Variants in ALCAM observed in about 807,000 individuals in gnomAD.
The protein encoded by ALCAM is CD166 antigen.
In ALCAM, 30 loss-of-function variants were observed where a neutral mutation model predicts 70.9. The observed-to-expected ratio is 0.42, with a 90% CI of 0.32 to 0.57. The LOEUF (loss-of-function observed/expected upper bound fraction) is 0.57, where lower values mean the gene tolerates loss of function less well. Ranked by LOEUF, ALCAM falls within the 20% of genes least tolerant of loss-of-function variation. The pLI is 0.11. For synonymous variants in ALCAM, 249 were observed against 242.5 expected, an observed-to-expected ratio of 1.03 and a Z score of -0.25; for missense variants, 591 against 695.1, an observed-to-expected ratio of 0.85 and a Z score of 1.68.
At chr3:105,487,369 C>G (rs1355473565) in intron 1 of ALCAM, among the ~76,000 whole-genome samples, 1 of 152,114 alleles carries the variant, frequency 6.6e-6, no homozygotes, top group Non-Finnish European at 1.5e-5. Context: ...CACAGAACTT[C>G]CATCTAATAG....
At chr3:105,460,229 T>C (rs1277487793) in intron 1 of ALCAM, among the ~76,000 whole-genome samples, 1 of 152,012 alleles carries the variant, frequency 6.6e-6, no homozygotes, top group African/African-American at 2.4e-5. Context: ...CAGATGTTAT[T>C]CCCTTCCCAT....
chr3:105,500,267 T>G (rs543163749), intron 1 of ALCAM, among the ~76,000 whole-genome samples: 8 of 152,306 alleles, frequency 5.3e-5, no homozygotes, highest in South Asian at 4.1e-4. Flanking sequence ...CCTGCCTGCC[T>G]TCTTCTTCCT....
chr3:105,448,728 T>A (rs959239501), intron 1 of ALCAM, among the ~76,000 whole-genome samples: 2 of 152,220 alleles, frequency 1.3e-5, no homozygotes, highest in African/African-American at 2.4e-5. Flanking sequence ...CTCTGAGATT[T>A]CGTGCCCTTC....
intron 1 of ALCAM, among the ~76,000 whole-genome samples, chr3:105,447,015 G>A (rs550269667): frequency 2.6e-4 from 39 of 151,782 alleles, no homozygotes; most frequent in Middle Eastern, 6.8e-3. Flanking sequence ...GAATGTTCTC[G>A]CCACAAAAAA....
chr3:105,519,615 GATA>G (rs1470011485), intron 1 of ALCAM, among the ~76,000 whole-genome samples: 5 of 152,076 alleles, frequency 3.3e-5, no homozygotes, highest in African/African-American at 4.8e-5. Context: ...AGAAAAATTT[GATA>G]ATATTTTCAA....
intron 1 of ALCAM, among the ~76,000 whole-genome samples, chr3:105,443,754 T>G (rs1937233172): frequency 6.6e-6 from 1 of 152,226 alleles, no homozygotes; most frequent in Admixed American, 6.5e-5. Flanking sequence ...CATGAATAAT[T>G]TTAAATCAGG....
At chr3:105,564,901 C>G (rs1432595056) in intron 14 of ALCAM, among the ~76,000 whole-genome samples, 2 of 152,172 alleles carry the variant, frequency 1.3e-5, no homozygotes, top group African/African-American at 4.8e-5. Flanking sequence ...CAAAAATTAG[C>G]CAGGCATAGT....
At chr3:105,432,257 C>A (rs1936953648) in intron 1 of ALCAM, among the ~76,000 whole-genome samples, 1 of 152,076 alleles carries the variant, frequency 6.6e-6, no homozygotes. Context: ...CATATCAAAT[C>A]CTATTTTTTT....
intron 1 of ALCAM, among the ~76,000 whole-genome samples, chr3:105,468,195 C>G (rs994411119): frequency 6.6e-6 from 1 of 151,360 alleles, no homozygotes; most frequent in Non-Finnish European, 1.5e-5. Flanking sequence ...TGTTACCAAA[C>G]TCTTGGCTTT....
intron 14 of ALCAM, among the ~76,000 whole-genome samples, chr3:105,557,630 C>G (rs1394347609): frequency 6.6e-6 from 1 of 152,164 alleles, no homozygotes; most frequent in African/African-American, 2.4e-5. Flanking sequence ...GTCCCATCAT[C>G]TACCCTAAAG....
chr3:105,501,984 A>G (rs1330012621), intron 1 of ALCAM, among the ~76,000 whole-genome samples: 3 of 152,260 alleles, frequency 2.0e-5, no homozygotes, highest in Non-Finnish European at 4.4e-5. Context: ...AGTTTGTTCA[A>G]TGTCAAGTTA....
At position 105,576,488 on chromosome 3, in the gene ALCAM, G is replaced by A. The variant is rs776756151; in HGVS notation, c.*2037G>A. 1.3e-5 allele frequency: 2 copies of A among 152,554 alleles called. No homozygotes were observed. Among genetic ancestry groups the A allele is most frequent in the African/African-American group, 2.4e-5 (1 of 41,448 alleles). The allele number at this position is 152,554 out of a possible 1,614,324, so 9.5% of individuals were successfully genotyped here. Reference sequence around the variant, plus strand: ...CAGAAAGAAGCAACATGACAATAGAGAGAGTTATGCTACAATTATTTCTTG... The same window carrying A: ...CAGAAAGAAGCAACATGACAATAGAAAGAGTTATGCTACAATTATTTCTTG... On this transcript the variant is annotated 3_prime_UTR_variant, in exon 16 of 16. Coordinates refer to ENST00000306107, the MANE Select transcript of ALCAM (RefSeq NM_001627.4).
At chr3:105,380,113 G>C (rs1229672036) in intron 1 of ALCAM, among the ~76,000 whole-genome samples, 2 of 151,844 alleles carry the variant, frequency 1.3e-5, no homozygotes, top group Middle Eastern at 3.4e-3. Context: ...ACTCTGCCTA[G>C]ATTTTTAACC....
intron 1 of ALCAM, among the ~76,000 whole-genome samples, chr3:105,468,431 A>T (rs563120526): frequency 6.6e-6 from 1 of 151,462 alleles, no homozygotes; most frequent in Admixed American, 6.6e-5. Flanking sequence ...TCTTTTAATC[A>T]TCAGACTGTA....
intron 1 of ALCAM, among the ~76,000 whole-genome samples, chr3:105,469,012 TTTG>T (rs1242616372): frequency 3.7e-5 from 1 of 27,014 alleles, no homozygotes; most frequent in East Asian, 0.013. Context: ...AACTGGTCAT[TTTG>T]GTCATTACCT....
At chr3:105,421,172 G>C (rs1936642779) in intron 1 of ALCAM, among the ~76,000 whole-genome samples, 1 of 151,384 alleles carries the variant, frequency 6.6e-6, no homozygotes, top group Admixed American at 6.6e-5. Flanking sequence ...TTTTTTTGTA[G>C]AGATGAACAA....
At chr3:105,562,605 T>C (rs1210276431) in intron 14 of ALCAM, among the ~76,000 whole-genome samples, 1 of 152,180 alleles carries the variant, frequency 6.6e-6, no homozygotes, top group Admixed American at 6.5e-5. Context: ...TGTTTTCTTA[T>C]AACATTCCCA....
chr3:105,477,953 A>T (rs145399588), intron 1 of ALCAM, among the ~76,000 whole-genome samples: 1,606 of 152,130 alleles, frequency 0.011, 30 homozygotes, highest in African/African-American at 0.037. Flanking sequence ...CTTCTGTATT[A>T]ATTCATTATA....
intron 1 of ALCAM, among the ~76,000 whole-genome samples, chr3:105,416,222 T>A (rs1936503604): frequency 2.6e-5 from 4 of 152,070 alleles, no homozygotes; most frequent in South Asian, 2.1e-4. Context: ...GTCATTAGGA[T>A]GTCTCTGTAA....
Sources: allele counts gnomAD v4.1 joint callset (sites outside exome capture counted in the v4.1 genomes callset), GRCh38; gene constraint gnomAD v4.1.1; transcripts MANE v1.5; gene names NCBI Gene and HGNC (gene_info 2026-07-23, HGNC 2026-07-21).